OPHN1: variants seen among roughly 807,000 people sequenced by gnomAD.
The protein encoded by OPHN1 is oligophrenin 1.
In OPHN1, 11 loss-of-function variants were observed where a neutral mutation model predicts 60.7. That is an observed-to-expected ratio of 0.18 (90% CI 0.11 to 0.30). The LOEUF is 0.30. OPHN1 is among the 10% of genes least tolerant of loss of function. The pLI, the probability that OPHN1 is intolerant of heterozygous loss-of-function variation, is 1.00. For missense variants in OPHN1, 449 were observed against 611.0 expected (o/e 0.73, Z 2.80); for synonymous variants, 226 against 222.6 (o/e 1.02, Z -0.14).
intron 15 of OPHN1, among the ~76,000 whole-genome samples, chrX:68,182,433 GAAGA>G (rs1188757852): frequency 9.1e-6 from 1 of 109,304 alleles, no homozygotes; most frequent in African/African-American, 3.3e-5. Context: ...GAAGGAGGGA[GAAGA>G]AAGACTCATA....
At chrX:68,066,884 A>C in intron 20 of OPHN1, among the ~76,000 whole-genome samples, 1 of 112,034 alleles carries the variant, frequency 8.9e-6, no homozygotes, top group East Asian at 2.8e-4. Flanking sequence ...GTTCGGTGCC[A>C]TCCCCTTTCC....
At chrX:68,271,263 C>A (rs193107234) in intron 5 of OPHN1, among the ~76,000 whole-genome samples, 194 of 110,493 alleles carry the variant, frequency 1.8e-3, no homozygotes, top group African/African-American at 6.2e-3. Context: ...TGGTAGCTCA[C>A]GCCTGTAATT....
At chrX:68,243,508 C>T (rs2077791395) in intron 5 of OPHN1, among the ~76,000 whole-genome samples, 1 of 111,360 alleles carries the variant, frequency 9.0e-6, no homozygotes, top group African/African-American at 3.3e-5. Flanking sequence ...TTGCCTCAGC[C>T]TCCTGAGTAG....
intron 2 of OPHN1, among the ~76,000 whole-genome samples, chrX:68,350,030 C>T (rs771466222): frequency 4.9e-4 from 55 of 111,230 alleles, no homozygotes; most frequent in Admixed American, 2.4e-3. Context: ...GCACGTTCTG[C>T]ACATGTAATC....
At chrX:68,311,770 G>C (rs887187714) in intron 2 of OPHN1, among the ~76,000 whole-genome samples, 2 of 111,699 alleles carry the variant, frequency 1.8e-5, no homozygotes, top group Non-Finnish European at 3.8e-5. Context: ...GGAAGAAACA[G>C]ATAGTTATAC....
chrX:68,086,563 C>T (rs1602146010), intron 19 of OPHN1, among the ~76,000 whole-genome samples: 1 of 112,162 alleles, frequency 8.9e-6, no homozygotes, highest in East Asian at 2.8e-4. Context: ...CCTTTCTCTG[C>T]AAAGACAACC....
At chrX:68,396,939 C>G (rs747418202) in intron 2 of OPHN1, among the ~76,000 whole-genome samples, 1 of 112,074 alleles carries the variant, frequency 8.9e-6, no homozygotes, top group South Asian at 3.8e-4. Flanking sequence ...AGCTTCCCCC[C>G]AGGGGCATAG....
chrX:68,185,608 G>A (rs111365012), intron 15 of OPHN1, among the ~76,000 whole-genome samples: 23,790 of 109,948 alleles, frequency 0.22, 2,083 homozygotes, highest in Middle Eastern at 0.28. Flanking sequence ...TTATGAAAGC[G>A]GGTTGCTAGT....
At chrX:68,320,287 T>C (rs2147659875) in intron 2 of OPHN1, among the ~76,000 whole-genome samples, 1 of 111,296 alleles carries the variant, frequency 9.0e-6, no homozygotes, top group Admixed American at 9.6e-5. Flanking sequence ...AGGCAGAGGT[T>C]GCAGTGAGCT....
chrX:68,133,519 A>C (rs2077206759), intron 15 of OPHN1: 1 of 457,564 alleles, frequency 2.2e-6, no homozygotes, highest in African/African-American at 2.4e-5. Flanking sequence ...TGGTTTGACA[A>C]CACATTTCAG....
chrX:68,055,681 C>T (rs28667162), intron 21 of OPHN1, among the ~76,000 whole-genome samples: 3 of 112,206 alleles, frequency 2.7e-5, no homozygotes, highest in South Asian at 7.4e-4. Context: ...CTATTCACAA[C>T]AGCAAAGACT....
At chrX:68,303,373 A>T (rs2078130054) in intron 2 of OPHN1, among the ~76,000 whole-genome samples, 1 of 111,751 alleles carries the variant, frequency 8.9e-6, no homozygotes, top group Non-Finnish European at 1.9e-5. Context: ...TGGGCCAGGC[A>T]CAGTGGCTCA....
chrX:68,250,314 T>C (rs1300075898), intron 5 of OPHN1, among the ~76,000 whole-genome samples: 1 of 112,644 alleles, frequency 8.9e-6, no homozygotes, highest in Admixed American at 9.4e-5. Flanking sequence ...GAAATAGAAC[T>C]AATGTTTCAA....
At chrX:68,116,101 G>C (rs759390024) in intron 16 of OPHN1, among the ~76,000 whole-genome samples, 1 of 111,775 alleles carries the variant, frequency 8.9e-6, no homozygotes, top group Non-Finnish European at 1.9e-5. Context: ...AAGGATTGTG[G>C]AGACCAAGTT....
At chrX:68,075,801 A>C (rs1276753908) in intron 19 of OPHN1, among the ~76,000 whole-genome samples, 1 of 94,593 alleles carries the variant, frequency 1.1e-5, no homozygotes, top group Non-Finnish European at 2.2e-5. Flanking sequence ...AAAAAAAAAA[A>C]CTTCAATTCG....
chrX:68,170,194 C>T (rs1227998364), intron 15 of OPHN1, among the ~76,000 whole-genome samples: 2 of 108,118 alleles, frequency 1.8e-5, no homozygotes, highest in Non-Finnish European at 3.8e-5. Context: ...CTCACCATCA[C>T]TGGCCATCAG....
At chrX:68,061,584 A>G (rs2076893106) in intron 21 of OPHN1, among the ~76,000 whole-genome samples, 1 of 111,818 alleles carries the variant, frequency 8.9e-6, no homozygotes, top group Admixed American at 9.5e-5. Context: ...TCATAGTGAG[A>G]AGAGGGACAG....
At chrX:68,264,537 C>T (rs1192386914) in intron 5 of OPHN1, among the ~76,000 whole-genome samples, 1 of 111,896 alleles carries the variant, frequency 8.9e-6, no homozygotes, top group East Asian at 2.8e-4. Context: ...TAGAGAAATG[C>T]AAATCAGGGT....
intron 4 of OPHN1, among the ~76,000 whole-genome samples, chrX:68,280,298 G>A (rs2078013895): frequency 8.9e-6 from 1 of 111,740 alleles, no homozygotes. Flanking sequence ...TGTTTACTAT[G>A]TTATTTGGAG....
Sources: gnomAD v4.1 joint callset for allele counts (sites outside exome capture counted in the v4.1 genomes callset) on GRCh38, gnomAD v4.1.1 for gene constraint, MANE v1.5 for transcripts, NCBI Gene and HGNC (gene_info 2026-07-23, HGNC 2026-07-21) for gene names.